The following ZGPAT variants were observed in gnomAD, a reference collection of about 807,000 sequenced individuals.
ZGPAT encodes the protein zinc finger CCCH-type with G patch domain-containing protein.
ZGPAT carries 39 observed loss-of-function variants against 47.9 expected under a neutral mutation model. The ratio of observed to expected loss-of-function variants is 0.81; its 90% CI spans 0.63 to 1.06. ZGPAT has a LOEUF of 1.06. Among genes scored for constraint, ZGPAT ranks in the 50% least tolerant of loss-of-function variants. ZGPAT has a pLI of 0.00. For missense variants in ZGPAT, 717 were observed against 681.4 expected (o/e 1.05, Z -0.58); for synonymous variants, 348 against 292.9 (o/e 1.19, Z -1.92).
In ZGPAT at chr20:63,735,535, C is replaced by T. The variant is rs1465098773; in HGVS notation, c.1368C>T (p.Ile456=). The change falls in exon 6 of 7, where the codon ATC becomes ATT. Residue 456 remains isoleucine, a synonymous_variant. Coordinates refer to ENST00000355969, the MANE Select transcript of ZGPAT (RefSeq NM_181485.3). ...GAACCCAGCGGGACATCAGGAGCAT[C>T]CAGGAGGCTCTCGCCCGCAACGCTG... is the stretch of plus-strand genomic sequence containing the variant. ...IERTQRDIRS[I]QEALARNAGR... The T allele has an allele frequency of 6.6e-7, 1 of 1,518,374 alleles. No homozygotes were observed. 94.1% of individuals were successfully genotyped at this position (1,518,374 alleles called of 1,614,324 possible). A position where few individuals can be genotyped will look rare whatever the true frequency, so the allele number is the denominator to read the frequency against.
At position 63,733,601 on chromosome 20, in the gene ZGPAT, T is replaced by C. The variant is rs375812373; in HGVS notation, c.733T>C (p.Tyr245His). Residue 245 changes from tyrosine to histidine, a missense_variant, in exon 4 of 7, where the codon TAC (tyrosine) becomes CAC (histidine). Physicochemically the swap from Tyr to His is moderately conservative, Grantham distance 83 (BLOSUM62 2). Coordinates refer to ENST00000355969, the MANE Select transcript of ZGPAT (RefSeq NM_181485.3). ...TCTGCCCCCAGATGTGGACAACGGC[T>C]ACTACACAGTCAAGTTTGACTCGCT... ...AARITDVDNG[Y>H]YTVKFDSLLL... 4.6e-5 allele frequency: 74 copies of C among 1,614,128 alleles called. No individual in the cohort carries two copies. Among genetic ancestry groups the C allele is most frequent in the Non-Finnish European group, 5.8e-5 (68 of 1,180,040 alleles).
intron 2 of ZGPAT, among the ~76,000 whole-genome samples, chr20:63,732,664 G>A (rs2091926670): frequency 7.5e-6 from 1 of 133,586 alleles, no homozygotes; most frequent in African/African-American, 3.0e-5. Flanking sequence ...GTGTGTACAT[G>A]TGTATATGCC....
chr20:63,733,072 G>A (rs369968027), intron 2 of ZGPAT, 147 bp from the exon 3 acceptor site: 38 of 1,000,098 alleles, frequency 3.8e-5, no homozygotes, highest in Admixed American at 2.9e-4. Flanking sequence ...ATGTGTGTGC[G>A]TGAGTGTGTG....
intron 2 of ZGPAT, among the ~76,000 whole-genome samples, chr20:63,725,714 TCTC>T (rs1326294130): frequency 2.6e-5 from 4 of 151,730 alleles, no homozygotes; most frequent in Non-Finnish European, 5.9e-5. Flanking sequence ...CCCTCTCTCA[TCTC>T]CTTTTGGGAG....
intron 2 of ZGPAT, among the ~76,000 whole-genome samples, chr20:63,712,401 T>G (rs1339160179): frequency 6.6e-6 from 1 of 152,250 alleles, no homozygotes; most frequent in Non-Finnish European, 1.5e-5. Context: ...TATAGCTTTG[T>G]GATAAGTTTT....
Position 63,735,794 on chromosome 20 carries a change from T to A in ZGPAT, c.1411T>A (p.Ser471Thr). The change falls in exon 7 of 7, where the codon TCA (serine) becomes ACA (threonine). Residue 471 changes from serine to threonine, a missense_variant. Coordinates refer to ENST00000355969, the MANE Select transcript of ZGPAT (RefSeq NM_181485.3). Reference protein sequence around the residue: ...ARNAGRHSVASAQLQEKLAGA... With the variant: ...ARNAGRHSVATAQLQEKLAGA... ...GCCCCTCCGCAGGCATAGCGTGGCG[T>A]CAGCCCAGCTGCAGGAGAAGCTGGC... 6.2e-7 allele frequency: 1 copy of A among 1,606,968 alleles called. No individual in the cohort carries two copies. Among genetic ancestry groups the A allele is most frequent in the South Asian group, 1.1e-5 (1 of 90,380 alleles).
chr20:63,714,671 C>T (rs1001057395), intron 2 of ZGPAT, among the ~76,000 whole-genome samples: 1 of 151,204 alleles, frequency 6.6e-6, no homozygotes, highest in Non-Finnish European at 1.5e-5. Flanking sequence ...AAGATAGGGT[C>T]TTGTTCTGTC....
At chr20:63,733,512 C>T in intron 3 of ZGPAT, 75 bp from the exon 4 acceptor site, 1 of 1,611,936 alleles carries the variant, frequency 6.2e-7, no homozygotes, top group Non-Finnish European at 8.5e-7. Flanking sequence ...TGCCTTGCTC[C>T]TCATGTCCAG....
chr20:63,731,730 TAC>T (rs1338546206), intron 2 of ZGPAT, among the ~76,000 whole-genome samples: 7 of 152,178 alleles, frequency 4.6e-5, no homozygotes, highest in African/African-American at 1.7e-4. Context: ...TGTGTGTGCA[TAC>T]GTGTGTAAAG....
chr20:63,710,126 C>T (rs1474612474), intron 2 of ZGPAT, among the ~76,000 whole-genome samples: 1 of 150,618 alleles, frequency 6.6e-6, no homozygotes, highest in African/African-American at 2.4e-5. Context: ...TCCCAAAGTG[C>T]TGGGATGACA....
At chr20:63,731,527 G>A (rs1444529064) in intron 2 of ZGPAT, among the ~76,000 whole-genome samples, 5 of 106,256 alleles carry the variant, frequency 4.7e-5, no homozygotes, top group African/African-American at 1.4e-4. Context: ...GTGATTGTGT[G>A]CATACGTGTG....
At chr20:63,729,620 C>T (rs1053656871) in intron 2 of ZGPAT, among the ~76,000 whole-genome samples, 2 of 152,124 alleles carry the variant, frequency 1.3e-5, no homozygotes, top group Non-Finnish European at 2.9e-5. Flanking sequence ...CTCTCTTTTG[C>T]TCCATTGATC....
intron 2 of ZGPAT, among the ~76,000 whole-genome samples, chr20:63,720,645 G>A (rs1000783491): frequency 6.6e-6 from 1 of 151,190 alleles, no homozygotes; most frequent in Non-Finnish European, 1.5e-5. Context: ...TTAGACACAG[G>A]GTCTTGCTAC....
At chr20:63,712,584 C>G (rs990725208) in intron 2 of ZGPAT, among the ~76,000 whole-genome samples, 1 of 145,500 alleles carries the variant, frequency 6.9e-6, no homozygotes, top group Non-Finnish European at 1.5e-5. Flanking sequence ...GTTTGGGGCA[C>G]ATTGTCATCT....
intron 2 of ZGPAT, among the ~76,000 whole-genome samples, chr20:63,729,310 G>A (rs2091874277): frequency 1.3e-5 from 2 of 152,246 alleles, no homozygotes; most frequent in South Asian, 4.1e-4. Context: ...GATTACAGGC[G>A]TGAGCCACCG....
At position 63,735,158 on chromosome 20, in the gene ZGPAT, G is replaced by C. The variant is rs1162160543; in HGVS notation, c.992-1G>C. On this transcript the variant is annotated splice_acceptor_variant, in intron 5 of 6. Transcript: ENST00000355969. LOFTEE classifies it high-confidence loss of function. ...GCACTGCCATCCCCGTGCCTCCGCA[G>C]GTTTGGGCCGACACGCGGAAGGCCG... 1.3e-6 allele frequency: 2 copies of C among 1,513,320 alleles called. No homozygotes were observed. Among genetic ancestry groups the C allele is most frequent in the South Asian group, 2.7e-5 (2 of 74,704 alleles). 93.7% of individuals were successfully genotyped at this position (1,513,320 alleles called of 1,614,324 possible). A position where few individuals can be genotyped will look rare whatever the true frequency, so the allele number is the denominator to read the frequency against.
At chr20:63,733,496 C>T in intron 3 of ZGPAT, 91 bp from the exon 4 acceptor site, 3 of 1,609,352 alleles carry the variant, frequency 1.9e-6, no homozygotes, top group Non-Finnish European at 1.7e-6. Context: ...CCCTCAGCCT[C>T]TGCCCTGCCT....
In ZGPAT at chr20:63,708,567, C is replaced by T. The variant is rs776036895; in HGVS notation, c.-14C>T. The T allele has an allele frequency of 2.5e-6, 4 of 1,573,318 alleles. No individual in the cohort carries two copies. Among genetic ancestry groups the T allele is most frequent in the East Asian group, 2.3e-5 (1 of 44,196 alleles). ...TCTTCTTGCAGCCCTGGTCCAGCGC[C>T]TCCCTCTCTCAGCATGGACGAGGAG... On this transcript the variant is annotated 5_prime_UTR_variant, in exon 2 of 7. Transcript: ENST00000355969.
chr20:63,733,056 G>A (rs868246180), intron 2 of ZGPAT, among the ~76,000 whole-genome samples, 163 bp from the exon 3 acceptor site: 11 of 148,602 alleles, frequency 7.4e-5, no homozygotes, highest in African/African-American at 1.6e-4. Flanking sequence ...GTATGTGTGC[G>A]TGTGTATGTG....
Sources: allele counts gnomAD v4.1 joint callset (sites outside exome capture counted in the v4.1 genomes callset), GRCh38; gene constraint gnomAD v4.1.1; transcripts MANE v1.5; gene names NCBI Gene and HGNC (gene_info 2026-07-23, HGNC 2026-07-21).